PRKCE: variants seen among roughly 807,000 people sequenced by gnomAD.
The protein encoded by PRKCE is protein kinase C epsilon.
In PRKCE, 16 loss-of-function variants were observed where a neutral mutation model predicts 85.4. That is an observed-to-expected ratio of 0.19 (90% confidence interval 0.13 to 0.28). The LOEUF (loss-of-function observed/expected upper bound fraction) is 0.28. Ranked by LOEUF, PRKCE falls within the 10% of genes least tolerant of loss-of-function variation. PRKCE has a pLI of 1.00. For missense variants in PRKCE, 573 were observed against 975.2 expected (o/e 0.59, Z 5.49); for synonymous variants, 388 against 371.5 (o/e 1.04, Z -0.51).
At chr2:45,897,520 G>A (rs1053402896) in intron 2 of PRKCE, among the ~76,000 whole-genome samples, 1 of 152,220 alleles carries the variant, frequency 6.6e-6, no homozygotes, top group Non-Finnish European at 1.5e-5. Context: ...TGAAAGAATA[G>A]TTAGTGTTAC....
At chr2:45,931,086 A>G (rs544074687) in intron 2 of PRKCE, among the ~76,000 whole-genome samples, 1 of 152,244 alleles carries the variant, frequency 6.6e-6, no homozygotes, top group African/African-American at 2.4e-5. Context: ...CAACAACATT[A>G]CATGACTTGC....
chr2:45,832,914 AGG>A (rs1305587775), intron 1 of PRKCE, among the ~76,000 whole-genome samples: 6 of 152,210 alleles, frequency 3.9e-5, no homozygotes, highest in African/African-American at 4.8e-5. Context: ...TATTCAATAA[AGG>A]GTGCTTATGA....
chr2:46,125,714 T>C (rs1160082014), intron 11 of PRKCE, among the ~76,000 whole-genome samples: 1 of 152,234 alleles, frequency 6.6e-6, no homozygotes, highest in Non-Finnish European at 1.5e-5. Context: ...CTTCACAGTA[T>C]ATACAGACAC....
rs1697069049 is a variant in PRKCE, at chr2:45,907,514, A to G, written c.412+64451A>G. On this transcript the variant is annotated intron_variant, in intron 2 of 14. Transcript: ENST00000306156. This position sits in a 1 kb window ranked among gnomAD's most constrained non-coding sequence, Gnocchi z 4.5. ...GACGAAGCACACTTCTGAGGGCGTC[A>G]TCGCAGGCCCTGTTCATCTCTCCGG... 6.6e-6 allele frequency among the ~76,000 whole-genome samples: 1 copy of G among 152,230 alleles called. No homozygotes were observed. Among genetic ancestry groups the G allele is most frequent in the Non-Finnish European group, 1.5e-5 (1 of 68,032 alleles).
Position 45,892,259 on chromosome 2 carries a change from C to T in PRKCE, c.412+49196C>T, listed in dbSNP as rs370604967. Among the ~76,000 whole-genome samples the T allele has an allele frequency of 9.8e-5, 15 of 152,306 alleles. No homozygotes were observed. In the East Asian group the frequency reaches 2.5e-3, roughly 25 times the overall value. ...GCTCCCATGGCCCAAGTGTGCATTG[C>T]TCAGTAAGCCCTTTCATGTCCCATG... On this transcript the variant is annotated intron_variant, in intron 2 of 14. Transcript: ENST00000306156.
chr2:45,957,326 A>G (rs1701038902), intron 2 of PRKCE, among the ~76,000 whole-genome samples: 1 of 152,304 alleles, frequency 6.6e-6, no homozygotes, highest in South Asian at 2.1e-4. Flanking sequence ...CTTATTTTTT[A>G]TGCATGGACA....
intron 1 of PRKCE, among the ~76,000 whole-genome samples, chr2:45,820,275 T>C (rs1689423409): frequency 6.6e-6 from 1 of 152,012 alleles, no homozygotes; most frequent in Non-Finnish European, 1.5e-5. Flanking sequence ...GAGAAACATG[T>C]GGGGAGAGGG....
intron 2 of PRKCE, among the ~76,000 whole-genome samples, chr2:45,925,233 C>T (rs1043620485): frequency 1.3e-5 from 2 of 152,130 alleles, no homozygotes; most frequent in African/African-American, 4.8e-5. Context: ...CCTAAAGGCC[C>T]TGTGGACAAG....
intron 6 of PRKCE, among the ~76,000 whole-genome samples, chr2:45,989,612 G>T (rs767568351): frequency 6.6e-6 from 1 of 150,824 alleles, no homozygotes. Context: ...TGAAAGAAAG[G>T]CCTGCCTGTC....
chr2:45,682,586 C>G (rs958066137), intron 1 of PRKCE, among the ~76,000 whole-genome samples: 1 of 152,050 alleles, frequency 6.6e-6, no homozygotes, highest in South Asian at 2.1e-4. Context: ...ATCACCTTGC[C>G]TGGCTAATTT....
At chr2:45,769,997 TGGATGCCC>T (rs1450749928) in intron 1 of PRKCE, among the ~76,000 whole-genome samples, 4 of 152,236 alleles carry the variant, frequency 2.6e-5, no homozygotes, top group African/African-American at 9.6e-5. Flanking sequence ...GACACATGCC[TGGATGCCC>T]AGGTGCACAC....
At chr2:45,976,279 C>G in intron 2 of PRKCE, 150 bp from the exon 3 acceptor site, 1 of 866,120 alleles carries the variant, frequency 1.2e-6, no homozygotes, top group Non-Finnish European at 1.8e-6. Flanking sequence ...TGGGACTCCT[C>G]AGACCCCCGA....
chr2:45,752,060 G>T (rs192366503), intron 1 of PRKCE, among the ~76,000 whole-genome samples: 2 of 150,850 alleles, frequency 1.3e-5, no homozygotes, highest in African/African-American at 4.9e-5. Context: ...CTCGTGATCC[G>T]CCCGCCTCGG....
chr2:45,925,343 A>G (rs1157879077), intron 2 of PRKCE, among the ~76,000 whole-genome samples: 3 of 151,512 alleles, frequency 2.0e-5, no homozygotes, highest in Non-Finnish European at 2.9e-5. Flanking sequence ...GTCACCCAGG[A>G]TGGATTGCGA....
intron 1 of PRKCE, among the ~76,000 whole-genome samples, chr2:45,791,536 GTTC>G (rs1687031009): frequency 6.6e-6 from 1 of 152,116 alleles, no homozygotes; most frequent in Admixed American, 6.5e-5. Flanking sequence ...CTTTCTTTTA[GTTC>G]TTTTCTTTCT....
intron 1 of PRKCE, among the ~76,000 whole-genome samples, chr2:45,683,097 GA>G (rs1677034891): frequency 6.6e-6 from 1 of 152,178 alleles, no homozygotes; most frequent in South Asian, 2.1e-4. Flanking sequence ...ATCCAGCAGA[GA>G]TTTTACTTCC....
intron 11 of PRKCE, among the ~76,000 whole-genome samples, chr2:46,086,770 CT>C (rs1669680651): frequency 6.6e-6 from 1 of 152,112 alleles, no homozygotes; most frequent in African/African-American, 2.4e-5. Context: ...GTTTGTTTGG[CT>C]TAGTTTTCTC....
chr2:45,864,133 T>C (rs980790211), intron 2 of PRKCE, among the ~76,000 whole-genome samples: 2 of 152,114 alleles, frequency 1.3e-5, no homozygotes, highest in Admixed American at 1.3e-4. Context: ...TGTGAATCCT[T>C]CTACCCCTCA....
rs183927627 is a variant in PRKCE, at chr2:45,951,652, G to T, written c.413-24777G>T. 2.3e-3 allele frequency among the ~76,000 whole-genome samples: 356 copies of T among 152,336 alleles called. 2 individuals are homozygous for T. The highest frequency in any genetic ancestry group is 8.3e-3 in the African/African-American group (343 of 41,574). ...GCCCCAGCTGAGCCAATGCAACTCT[G>T]TGCTGGAGGCAAATGTAGCAAAGGC... On this transcript the variant is annotated intron_variant, in intron 2 of 14. Coordinates refer to ENST00000306156, the MANE Select transcript of PRKCE (RefSeq NM_005400.3).
Sources: gnomAD v4.1 joint callset for allele counts (sites outside exome capture counted in the v4.1 genomes callset) on GRCh38, gnomAD v4.1.1 for gene constraint, Gnocchi (gnomAD v3.1) non-coding constraint, MANE v1.5 for transcripts, NCBI Gene and HGNC (gene_info 2026-07-23, HGNC 2026-07-21) for gene names.